Variants in ENPP3 observed in about 807,000 individuals in gnomAD.
ENPP3 encodes ectonucleotide pyrophosphatase/phosphodiesterase family member 3.
ENPP3 carries 104 observed loss-of-function variants against 117.8 expected under a neutral mutation model. The ratio of observed to expected loss-of-function variants is 0.88; its 90% CI spans 0.75 to 1.04. The LOEUF is 1.04. ENPP3 is among the 50% of genes least tolerant of loss of function. The pLI, the probability that ENPP3 is intolerant of heterozygous loss-of-function variation, is 0.00. For missense variants in ENPP3, 1,026 were observed against 1,051.9 expected (o/e 0.98, Z 0.34); for synonymous variants, 380 against 349.9 (o/e 1.09, Z -0.96).
At position 131,726,175 on chromosome 6, in the gene ENPP3, G is replaced by T; in HGVS notation, c.1928G>T (p.Trp643Leu). The T allele has an allele frequency of 6.2e-7, 1 of 1,614,012 alleles. No individual in the cohort carries two copies. Among genetic ancestry groups the T allele is most frequent in the Non-Finnish European group, 8.5e-7 (1 of 1,179,914 alleles). ...GFGKAMRMPM[W>L]SSYTVPQLGD... ...GGAAAAGCTATGAGGATGCCCATGT[G>T]GAGTTCATACACAGTCCCCCAGTTG... Residue 643 changes from tryptophan (W) to leucine (L), a missense_variant, in exon 20 of 25, where the codon TGG becomes TTG. Trp to Leu is a moderately conservative substitution (Grantham distance 61). Transcript: ENST00000357639.
rs951310751 is a variant in ENPP3, at chr6:131,703,583, T to G, written c.1412+9959T>G. On this transcript the variant is annotated intron_variant, in intron 15 of 24. Transcript: ENST00000357639. ...AAGCAAACAAGCAATGAAAATGACC[T>G]TAAATTATATTTGAGCAGAACTCAC... is the stretch of plus-strand genomic sequence containing the variant. Among the ~76,000 whole-genome samples, 18 of 136,166 alleles carry G rather than the reference T, an allele frequency of 1.3e-4. 2 individuals are homozygous for G. Among genetic ancestry groups the G allele is most frequent in the Non-Finnish European group, 6.0e-5 (4 of 66,702 alleles). The allele number at this position is 136,166 out of a possible 152,430, so 89.3% of individuals were successfully genotyped here. A position where few individuals can be genotyped will look rare whatever the true frequency, so the allele number is the denominator to read the frequency against.
rs1779989538 is a variant in ENPP3 at position 131,720,390 on chromosome 6, T to A, written c.1567+11T>A. ...ATAACCTAATGTGTGGTAAGTATATTTAAATAAGTTCGCCAACAAAATATG... is the reference window on the plus strand; with the variant it reads ...ATAACCTAATGTGTGGTAAGTATATATAAATAAGTTCGCCAACAAAATATG... On this transcript the variant is annotated intron_variant, in intron 17 of 24. Transcript: ENST00000357639. 7.2e-7 allele frequency: 1 copy of A among 1,390,196 alleles called. No individual in the cohort carries two copies. The highest frequency in any genetic ancestry group is 2.4e-5 in the East Asian group (1 of 42,412). The allele number at this position is 1,390,196 out of a possible 1,614,324, so 86.1% of individuals were successfully genotyped here.
At chr6:131,697,174 C>G (rs1008065235) in intron 15 of ENPP3, among the ~76,000 whole-genome samples, 1 of 152,194 alleles carries the variant, frequency 6.6e-6, no homozygotes, top group East Asian at 1.9e-4. Flanking sequence ...AGTAGTTCTG[C>G]ATTGCTGGAG....
chr6:131,746,782 T>A lies in ENPP3; in HGVS notation c.2458-4T>A. Reference sequence around the variant, plus strand: ...AAAAAAAGTGTTGTGCTTTTCTTTTTCAGGAAGGTAAACCAGAAGCTCTTT... The same window carrying A: ...AAAAAAAGTGTTGTGCTTTTCTTTTACAGGAAGGTAAACCAGAAGCTCTTT... On this transcript the variant is annotated splice_region_variant and splice_polypyrimidine_tract_variant and intron_variant, in intron 24 of 24. Coordinates refer to ENST00000357639, the MANE Select transcript of ENPP3 (RefSeq NM_005021.5). 1.3e-6 allele frequency: 2 copies of A among 1,591,684 alleles called. No individual in the cohort carries two copies. The highest frequency in any genetic ancestry group is 1.7e-6 in the Non-Finnish European group (2 of 1,173,518).
chr6:131,686,043 T>C, intron 14 of ENPP3, 136 bp downstream of exon 14: 1 of 468,236 alleles, frequency 2.1e-6, no homozygotes, highest in South Asian at 2.8e-5. Flanking sequence ...ATCAACATTA[T>C]TTTATATGCA....
At chr6:131,720,170 T>C (rs572436929) in intron 16 of ENPP3, 122 bp from the exon 17 acceptor site, 1 of 562,198 alleles carries the variant, frequency 1.8e-6, no homozygotes, top group Non-Finnish European at 3.1e-6. Context: ...TAAAAAAAAA[T>C]TCCTTACAGA....
chr6:131,719,412 CACACACACAT>C (rs1240762584), intron 16 of ENPP3, among the ~76,000 whole-genome samples: 157 of 133,580 alleles, frequency 1.2e-3, no homozygotes, highest in African/African-American at 4.2e-3. Flanking sequence ...CACACACACA[CACACACACAT>C]TCCTTTCCAA....
At position 131,738,034 on chromosome 6, in the gene ENPP3, T is replaced by C; in HGVS notation, c.2171T>C (p.Met724Thr). The change falls in exon 23 of 25, where the codon ATG (methionine) becomes ACG (threonine). Residue 724 changes from methionine to threonine, a missense_variant. Coordinates refer to ENST00000357639, the MANE Select transcript of ENPP3 (RefSeq NM_005021.5). ...LVPMYEEFRK[M>T]WDYFHSVLLI... Reference sequence around the variant, plus strand: ...CACTTTATGATTTTATTTTTAGAAATGTGGGACTACTTCCACAGTGTTCTT... The same window carrying C: ...CACTTTATGATTTTATTTTTAGAAACGTGGGACTACTTCCACAGTGTTCTT... The C allele has an allele frequency of 6.3e-7, 1 of 1,587,136 alleles. No individual in the cohort carries two copies. Among genetic ancestry groups the C allele is most frequent in the African/African-American group, 1.3e-5 (1 of 74,086 alleles).
At chr6:131,662,181 G>A (rs939893453) in intron 6 of ENPP3, among the ~76,000 whole-genome samples, 3 of 151,832 alleles carry the variant, frequency 2.0e-5, no homozygotes, top group Admixed American at 6.6e-5. Context: ...ATTCTTCTTG[G>A]CACCCTTTTT....
chr6:131,653,725 A>G (rs947985175), intron 5 of ENPP3, among the ~76,000 whole-genome samples: 8 of 152,050 alleles, frequency 5.3e-5, no homozygotes, highest in Non-Finnish European at 7.4e-5. Flanking sequence ...ACTCTTTTCT[A>G]TTAACATCTT....
At chr6:131,638,870 C>T (rs532877357) in intron 1 of ENPP3, among the ~76,000 whole-genome samples, 3 of 151,872 alleles carry the variant, frequency 2.0e-5, no homozygotes, top group African/African-American at 7.2e-5. Flanking sequence ...GCTATGTTGC[C>T]CAGGCTGGTC....
intron 3 of ENPP3, among the ~76,000 whole-genome samples, chr6:131,651,845 A>G (rs1778270329): frequency 1.3e-5 from 2 of 152,222 alleles, no homozygotes; most frequent in African/African-American, 4.8e-5. Flanking sequence ...TGGGGAAGGA[A>G]GAAATCTATA....
intron 15 of ENPP3, chr6:131,710,094 A>T: frequency 6.2e-7 from 1 of 1,613,912 alleles, no homozygotes; most frequent in Non-Finnish European, 8.5e-7. Context: ...TCGGAGGATC[A>T]TCTAAGTTAG....
intron 19 of ENPP3, 89 bp downstream of exon 19, chr6:131,724,180 A>G: frequency 2.4e-6 from 2 of 831,872 alleles, no homozygotes; most frequent in South Asian, 1.6e-5. Context: ...AAATAAGCTG[A>G]CAGAGGTTCC....
chr6:131,646,219 T>C (rs1032388419), intron 2 of ENPP3, among the ~76,000 whole-genome samples: 3 of 152,086 alleles, frequency 2.0e-5, no homozygotes, highest in East Asian at 1.9e-4. Flanking sequence ...ATTATAGTTC[T>C]CTTTCTTATT....
At chr6:131,691,745 G>A (rs1301813306) in intron 14 of ENPP3, among the ~76,000 whole-genome samples, 1 of 152,100 alleles carries the variant, frequency 6.6e-6, no homozygotes, top group Non-Finnish European at 1.5e-5. Context: ...GCTACACAAA[G>A]TCCAGGAAAG....
chr6:131,706,024 TTATTTTA>T (rs1779631737), intron 15 of ENPP3, among the ~76,000 whole-genome samples: 1 of 131,982 alleles, frequency 7.6e-6, no homozygotes, highest in Non-Finnish European at 1.5e-5. Context: ...CTTTTTGTCA[TTATTTTA>T]TTTTATTTTA....
intron 16 of ENPP3, 152 bp downstream of exon 16, chr6:131,718,890 T>A: frequency 2.0e-6 from 1 of 504,484 alleles, no homozygotes; most frequent in Non-Finnish European, 3.6e-6. Context: ...TACTGCTTTT[T>A]TAAAACAGAT....
intron 18 of ENPP3, among the ~76,000 whole-genome samples, chr6:131,722,788 T>C (rs1377177552): frequency 1.6e-4 from 25 of 152,292 alleles, no homozygotes; most frequent in Non-Finnish European, 8.8e-5. Flanking sequence ...TAGGAGGGTG[T>C]AGGGATTGCA....
Sources: gnomAD v4.1 joint callset for allele counts (sites outside exome capture counted in the v4.1 genomes callset) on GRCh38, gnomAD v4.1.1 for gene constraint, MANE v1.5 for transcripts, NCBI Gene and HGNC (gene_info 2026-07-23, HGNC 2026-07-21) for gene names.